Variants in RTTN observed in about 807,000 individuals in gnomAD.
The protein encoded by RTTN is rotatin.
RTTN carries 182 observed loss-of-function variants against 269.2 expected under a neutral mutation model. That is an observed-to-expected ratio of 0.68 (90% CI 0.60 to 0.76). RTTN has a LOEUF of 0.76. Ranked by LOEUF, RTTN falls within the 30% of genes least tolerant of loss-of-function variation. The pLI is 0.00. For missense variants in RTTN, 2,545 were observed against 2,608.6 expected, an observed-to-expected ratio of 0.98 and a Z score of 0.53; for synonymous variants, 1,006 against 963.5, an observed-to-expected ratio of 1.04 and a Z score of -0.82.
At chr18:70,183,097 G>T (rs2061456261) in intron 10 of RTTN, among the ~76,000 whole-genome samples, 1 of 152,178 alleles carries the variant, frequency 6.6e-6, no homozygotes. Context: ...AAATCAACTA[G>T]AAAGTGGCAT....
intron 27 of RTTN, among the ~76,000 whole-genome samples, chr18:70,112,483 C>A (rs200725631): frequency 0.016 from 1,070 of 67,806 alleles, no homozygotes; most frequent in African/African-American, 0.025. Context: ...AAATGGAAAG[C>A]AAAAAAAAAA....
In RTTN at chr18:70,045,209, A is replaced by G. The variant is rs116255066; in HGVS notation, c.5541+2762T>C. On this transcript the variant is annotated intron_variant, in intron 40 of 48. Coordinates refer to ENST00000640769, the MANE Select transcript of RTTN (RefSeq NM_173630.4). The stretch of plus-strand genomic sequence containing the variant: ...AAGCACCATTTAAAAGATAACTCTG[A>G]CCAGACATTTAACTGAAGTTCCAAT... Among the ~76,000 whole-genome samples, 428 of 152,318 alleles carry G rather than the reference A, an allele frequency of 2.8e-3. 5 individuals carry two copies. The highest frequency in any genetic ancestry group is 9.8e-3 in the African/African-American group (406 of 41,576).
intron 14 of RTTN, among the ~76,000 whole-genome samples, chr18:70,150,992 A>G (rs1193919697): frequency 6.6e-6 from 1 of 151,712 alleles, no homozygotes; most frequent in African/African-American, 2.4e-5. Context: ...TAATCTCTTA[A>G]AGTTAATTCA....
At chr18:70,074,041 G>T (rs750166086) in intron 33 of RTTN, 47 bp from the exon 34 acceptor site, 1 of 1,283,190 alleles carries the variant, frequency 7.8e-7, no homozygotes, top group Non-Finnish European at 1.1e-6. Flanking sequence ...CCTAGGAACT[G>T]TAACAATTAA....
Position 70,140,161 on chromosome 18 carries a change from T to C in RTTN, c.2609A>G (p.Lys870Arg), listed in dbSNP as rs748465979. Reference protein sequence around the residue: ...QDIKMHAVVKKLCLIDKIIEY... With the variant: ...QDIKMHAVVKRLCLIDKIIEY... ...AATTATTTTGTCAATTAAGCATAAC[T>C]TTTTCACCACAGCATGCATTTTAAT... Residue 870 changes from lysine to arginine, a missense_variant, in exon 20 of 49, where the codon AAG becomes AGG. Physicochemically the swap from Lys to Arg is conservative, Grantham distance 26. Transcript: ENST00000640769. 3 of 1,592,522 alleles carry C rather than the reference T, an allele frequency of 1.9e-6. No homozygotes were observed. The African/African-American group carries it at 4.0e-5, about 21-fold the overall frequency.
chr18:70,092,768 C>A lies in RTTN; in HGVS notation c.3940G>T (p.Ala1314Ser), dbSNP rs768834803. 6.2e-7 allele frequency: 1 copy of A among 1,611,934 alleles called. No individual in the cohort carries two copies. ...ACACCTTTTCCCATGAAGGACATAG[C>A]ATTTCCTCCACGCTCCACATAAAAA... Reference protein sequence around the residue: ...TSFYVERGGNAMSFMGKGVTK... With the variant: ...TSFYVERGGNSMSFMGKGVTK... The change falls in exon 29 of 49, where the codon GCT (alanine) becomes TCT (serine). Residue 1314 changes from alanine (A) to serine (S), a missense_variant. Coordinates refer to ENST00000640769, the MANE Select transcript of RTTN (RefSeq NM_173630.4).
chr18:70,176,930 A>G, intron 10 of RTTN, 85 bp from the exon 11 acceptor site: 1 of 964,212 alleles, frequency 1.0e-6, no homozygotes, highest in Non-Finnish European at 1.5e-6. Flanking sequence ...ACAGTTTAAA[A>G]TATTATCATT....
intron 35 of RTTN, among the ~76,000 whole-genome samples, chr18:70,060,966 A>T (rs2057966357): frequency 6.6e-6 from 1 of 151,898 alleles, no homozygotes; most frequent in Non-Finnish European, 1.5e-5. Context: ...CATTGTGTAC[A>T]TATATGGTTC....
At chr18:70,146,497 G>A (rs1568460481) in intron 17 of RTTN, among the ~76,000 whole-genome samples, 1 of 152,094 alleles carries the variant, frequency 6.6e-6, no homozygotes, top group Non-Finnish European at 1.5e-5. Context: ...CCTGGAAACT[G>A]GACAAATTTT....
chr18:70,026,826 A>G (rs914557369), intron 43 of RTTN, among the ~76,000 whole-genome samples: 1 of 152,112 alleles, frequency 6.6e-6, no homozygotes, highest in African/African-American at 2.4e-5. Context: ...GATAACTCCT[A>G]ATATCCCCAG....
At position 70,109,685 on chromosome 18, in the gene RTTN, G is replaced by A. The variant is rs781273470; in HGVS notation, c.3716C>T (p.Thr1239Met). ...CTGGAGCAGTTTCAGAGCCAGCTGCGTTTGAAAAACGTAAAGAAGTTCCGA... is the reference window on the plus strand; with the variant it reads ...CTGGAGCAGTTTCAGAGCCAGCTGCATTTGAAAAACGTAAAGAAGTTCCGA... ...KCSELLYVFQ[T>M]QLALKLLQCL... The change falls in exon 28 of 49, where the codon ACG becomes ATG. Residue 1239 changes from threonine to methionine, a missense_variant. By Grantham distance (81) the Thr-to-Met change is moderately conservative. Coordinates refer to ENST00000640769, the MANE Select transcript of RTTN (RefSeq NM_173630.4). The A allele has an allele frequency of 2.2e-5, 35 of 1,613,924 alleles. No individual in the cohort carries two copies. Among genetic ancestry groups the A allele is most frequent in the Middle Eastern group, 1.6e-4 (1 of 6,076 alleles).
At chr18:70,023,937 C>T (rs1349990586) in intron 44 of RTTN, among the ~76,000 whole-genome samples, 1 of 152,172 alleles carries the variant, frequency 6.6e-6, no homozygotes, top group East Asian at 1.9e-4. Context: ...CATGCACCAT[C>T]ATGCCTGGCT....
Position 70,205,225 on chromosome 18 carries a change from T to C in RTTN, c.122A>G (p.Gln41Arg). ...CAAATGAAGAAAAAGTTGCCTCTCC[T>C]GAATGAGATCAGCGTAGCAGATTAA... ...HNLICYADLI[Q>R]ERQLFLHLLE... The change falls in exon 2 of 49, where the codon CAG becomes CGG. Residue 41 changes from glutamine to arginine, a missense_variant. Gln to Arg is a conservative substitution (Grantham distance 43). Coordinates refer to ENST00000640769, the MANE Select transcript of RTTN (RefSeq NM_173630.4). 2 of 1,614,258 alleles carry C rather than the reference T, an allele frequency of 1.2e-6. No homozygotes were observed. The highest frequency in any genetic ancestry group is 1.1e-5 in the South Asian group (1 of 91,086).
chr18:70,064,066 G>A (rs1209677012), intron 35 of RTTN, among the ~76,000 whole-genome samples: 11 of 149,928 alleles, frequency 7.3e-5, no homozygotes, highest in Admixed American at 6.7e-4. Context: ...GGACGGGCAT[G>A]GTGGCTCATG....
chr18:70,193,227 T>C, intron 8 of RTTN, 61 bp downstream of exon 8: 3 of 1,334,588 alleles, frequency 2.2e-6, no homozygotes, highest in Non-Finnish European at 3.1e-6. Context: ...CCTTCTGAAA[T>C]TAACACACAC....
chr18:70,146,392 G>GA (rs2060394307), intron 17 of RTTN, among the ~76,000 whole-genome samples: 1 of 152,104 alleles, frequency 6.6e-6, no homozygotes, highest in Admixed American at 6.6e-5. Flanking sequence ...ATGAAATAGA[G>GA]AAACAGAAAA....
At chr18:70,161,299 A>G (rs1318559103) in intron 14 of RTTN, among the ~76,000 whole-genome samples, 4 of 152,204 alleles carry the variant, frequency 2.6e-5, no homozygotes, top group Non-Finnish European at 5.9e-5. Context: ...GGCGTATTCA[A>G]AAGATTGAAA....
intron 34 of RTTN, among the ~76,000 whole-genome samples, chr18:70,071,185 T>C (rs994229198): frequency 3.9e-5 from 6 of 152,238 alleles, no homozygotes; most frequent in Middle Eastern, 3.4e-3. Context: ...ATGCCCTAAT[T>C]TCCTCTTTTG....
At position 70,124,753 on chromosome 18, in the gene RTTN, C is replaced by G. The variant is rs117593711; in HGVS notation, c.3383+2749G>C. On this transcript the variant is annotated intron_variant, in intron 25 of 48. Coordinates refer to ENST00000640769, the MANE Select transcript of RTTN (RefSeq NM_173630.4). ...ATCTAGCACACCATGGAAGAGAACC[C>G]ACAGGTGACATGTATTTCAGAAGGA... Among the ~76,000 whole-genome samples the G allele has an allele frequency of 6.0e-3, 916 of 152,112 alleles. 3 individuals carry two copies. Among genetic ancestry groups the G allele is most frequent in the Middle Eastern group, 0.01 (3 of 294 alleles).
Sources: gnomAD v4.1 joint callset for allele counts (sites outside exome capture counted in the v4.1 genomes callset) on GRCh38, gnomAD v4.1.1 for gene constraint, MANE v1.5 for transcripts, NCBI Gene and HGNC (gene_info 2026-07-23, HGNC 2026-07-21) for gene names.